HHAT: variants seen among roughly 807,000 people sequenced by gnomAD.
HHAT encodes protein-cysteine N-palmitoyltransferase HHAT.
In HHAT, 47 loss-of-function variants were observed where a neutral mutation model predicts 70.8. That is an observed-to-expected ratio of 0.66 (90% CI 0.53 to 0.85). HHAT has a LOEUF of 0.85. HHAT is among the 40% of genes least tolerant of loss of function. HHAT has a pLI of 0.00. For missense variants in HHAT, 609 were observed against 604.8 expected (o/e 1.01, Z -0.07); for synonymous variants, 228 against 247.6 (o/e 0.92, Z 0.74).
intron 10 of HHAT, among the ~76,000 whole-genome samples, chr1:210,592,100 T>C (rs1661846580): frequency 6.6e-6 from 1 of 152,110 alleles, no homozygotes; most frequent in Non-Finnish European, 1.5e-5. Flanking sequence ...TAAAGAATTA[T>C]TTGCTAACTC....
chr1:210,594,487 TTTTG>T (rs1196736331), intron 10 of HHAT, among the ~76,000 whole-genome samples: 2 of 152,186 alleles, frequency 1.3e-5, no homozygotes, highest in Non-Finnish European at 1.5e-5. Context: ...TTTTTGTTGT[TTTTG>T]TTTATGTCTC....
chr1:210,495,099 G>A (rs2094614336), intron 8 of HHAT, among the ~76,000 whole-genome samples: 1 of 152,116 alleles, frequency 6.6e-6, no homozygotes, highest in Non-Finnish European at 1.5e-5. Context: ...AAAGGCACCT[G>A]AGAAGGAGCA....
At chr1:210,581,720 T>C (rs1042910809) in intron 9 of HHAT, among the ~76,000 whole-genome samples, 2 of 152,238 alleles carry the variant, frequency 1.3e-5, no homozygotes, top group African/African-American at 2.4e-5. Flanking sequence ...CTGTATTCTT[T>C]AGGAATAGGT....
chr1:210,464,651 TG>T lies in HHAT; in HGVS notation c.1005del (p.Trp335Ter), dbSNP rs1166899770. Reference sequence around the variant, plus strand: ...CACCATGTTCAGTTTCACCGGGATGTGGAGGTCAGGCGCTGGGATTGCTAAA... The same window carrying T: ...CACCATGTTCAGTTTCACCGGGATGTGAGGTCAGGCGCTGGGATTGCTAAA... ...VSTMFSFTGMWRYFDVGLHNF... is the reference protein window; with the variant it reads ...VSTMFSFTGMXRYFDVGLHNF... On this transcript the variant is annotated frameshift_variant, in exon 8 of 12. Transcript: ENST00000261458. LOFTEE classifies it high-confidence loss of function. 3 of 1,614,022 alleles carry T rather than the reference TG, an allele frequency of 1.9e-6. No homozygotes were observed. The highest frequency in any genetic ancestry group is 1.3e-5 in the African/African-American group (1 of 74,930).
chr1:210,425,551 T>C (rs2093037870), intron 7 of HHAT, among the ~76,000 whole-genome samples: 1 of 152,162 alleles, frequency 6.6e-6, no homozygotes, highest in Non-Finnish European at 1.5e-5. Flanking sequence ...GTTTTAGTCT[T>C]CTGCATGTGG....
chr1:210,368,560 G>A (rs1418349872), intron 3 of HHAT, among the ~76,000 whole-genome samples: 1 of 151,194 alleles, frequency 6.6e-6, no homozygotes, highest in African/African-American at 2.4e-5. Context: ...CAAAGTGCTG[G>A]GATTACAGGC....
chr1:210,419,721 A>G (rs1312761732), intron 7 of HHAT, among the ~76,000 whole-genome samples: 1 of 152,278 alleles, frequency 6.6e-6, no homozygotes, highest in Non-Finnish European at 1.5e-5. Context: ...ATGCTAAGCT[A>G]GTTTAATGAT....
intron 4 of HHAT, among the ~76,000 whole-genome samples, chr1:210,393,631 T>C (rs746636187): frequency 1.1e-4 from 16 of 152,214 alleles, no homozygotes; most frequent in Non-Finnish European, 1.9e-4. Flanking sequence ...TTCTGCATCT[T>C]GTTACCAGGC....
intron 9 of HHAT, among the ~76,000 whole-genome samples, chr1:210,557,943 T>C (rs1480258077): frequency 6.6e-6 from 1 of 152,154 alleles, no homozygotes; most frequent in Non-Finnish European, 1.5e-5. Context: ...ACATGGGCAT[T>C]TGGGCTCATT....
At chr1:210,408,958 C>T (rs530706366) in intron 6 of HHAT, among the ~76,000 whole-genome samples, 1 of 152,296 alleles carries the variant, frequency 6.6e-6, no homozygotes, top group African/African-American at 2.4e-5. Flanking sequence ...GCCTCCCGAG[C>T]TCAAGTGATC....
chr1:210,543,387 G>A (rs566557643), intron 9 of HHAT, among the ~76,000 whole-genome samples: 5 of 151,624 alleles, frequency 3.3e-5, no homozygotes, highest in African/African-American at 1.2e-4. Flanking sequence ...AAAAATTAAG[G>A]GAATTGTTCA....
At position 210,513,126 on chromosome 1, in the gene HHAT, A is replaced by G. The variant is rs201135524; in HGVS notation, c.1008-27A>G. 392 of 1,401,528 alleles carry G rather than the reference A, an allele frequency of 2.8e-4. No homozygotes were observed. In the African/African-American group the frequency reaches 4.7e-3, roughly 17 times the overall value. The allele number at this position is 1,401,528 out of a possible 1,614,324, so 86.8% of individuals were successfully genotyped here. On this transcript the variant is annotated intron_variant, in intron 8 of 11. Coordinates refer to ENST00000261458, the MANE Select transcript of HHAT (RefSeq NM_018194.6). ...ATTACTATAAATATCTTTTATTGAT[A>G]TGCTTGTCTATGTCTCTTTTGAACA...
At chr1:210,482,600 C>T (rs2094413907) in intron 8 of HHAT, among the ~76,000 whole-genome samples, 1 of 152,136 alleles carries the variant, frequency 6.6e-6, no homozygotes, top group South Asian at 2.1e-4. Context: ...TTCACCTTTA[C>T]TGGGAAGGGG....
intron 8 of HHAT, among the ~76,000 whole-genome samples, chr1:210,486,932 C>T (rs1334790162): frequency 6.6e-6 from 1 of 152,170 alleles, no homozygotes; most frequent in Non-Finnish European, 1.5e-5. Flanking sequence ...GCTGCTTCTG[C>T]TCTCTGAAGA....
intron 9 of HHAT, among the ~76,000 whole-genome samples, chr1:210,525,995 G>A (rs192448326): frequency 2.0e-5 from 3 of 152,300 alleles, no homozygotes; most frequent in Non-Finnish European, 2.9e-5. Flanking sequence ...TGCTGCATCT[G>A]GTAGAAGCCA....
chr1:210,404,423 G>T (rs2092236778), intron 5 of HHAT, 41 bp from the exon 6 acceptor site: 1 of 1,496,460 alleles, frequency 6.7e-7, no homozygotes, highest in Non-Finnish European at 9.3e-7. Flanking sequence ...CGATGTCCCT[G>T]CTGGCCACTC....
intron 9 of HHAT, among the ~76,000 whole-genome samples, chr1:210,575,305 A>G (rs1657421882): frequency 6.6e-6 from 1 of 151,920 alleles, no homozygotes; most frequent in Non-Finnish European, 1.5e-5. Flanking sequence ...GTCTTAGGAG[A>G]AAGGTGGGAA....
chr1:210,590,364 C>T (rs1260668100), intron 10 of HHAT: 1 of 151,720 alleles, frequency 6.6e-6, no homozygotes, highest in African/African-American at 2.4e-5. Context: ...TTATGCATGC[C>T]CCTCACATCC....
chr1:210,534,850 G>C (rs1386693311), intron 9 of HHAT, among the ~76,000 whole-genome samples: 1 of 152,132 alleles, frequency 6.6e-6, no homozygotes, highest in Non-Finnish European at 1.5e-5. Context: ...ATAGGGTCTA[G>C]ATTTACCCAT....
Sources: allele counts gnomAD v4.1 joint callset (sites outside exome capture counted in the v4.1 genomes callset), GRCh38; gene constraint gnomAD v4.1.1; transcripts MANE v1.5; gene names NCBI Gene and HGNC (gene_info 2026-07-23, HGNC 2026-07-21).